The following QRICH1 variants were observed in gnomAD, a reference collection of about 807,000 sequenced individuals.
QRICH1 encodes the protein glutamine rich 1, also known as transcriptional regulator QRICH1.
Under a neutral mutation model 87.1 loss-of-function variants are expected in QRICH1, and 16 were observed. That is an observed-to-expected ratio of 0.18 (90% confidence interval 0.12 to 0.28). The LOEUF (loss-of-function observed/expected upper bound fraction) is 0.28. QRICH1 is among the 10% of genes least tolerant of loss of function. The pLI, the probability that QRICH1 is intolerant of heterozygous loss-of-function variation, is 1.00. For synonymous variants in QRICH1, 367 were observed against 368.4 expected, an observed-to-expected ratio of 1.00 and a Z score of 0.05; for missense variants, 647 against 951.7, an observed-to-expected ratio of 0.68 and a Z score of 4.21.
chr3:49,047,486 T>G (rs963422369), intron 3 of QRICH1, among the ~76,000 whole-genome samples: 2 of 149,744 alleles, frequency 1.3e-5, no homozygotes, highest in African/African-American at 2.5e-5. Context: ...AATGTTTTTT[T>G]TTTTTTTTTT....
At chr3:49,059,621 T>G (rs1045702611) in intron 2 of QRICH1, among the ~76,000 whole-genome samples, 1 of 149,092 alleles carries the variant, frequency 6.7e-6, no homozygotes, top group Non-Finnish European at 1.5e-5. Flanking sequence ...GGTTTCACCA[T>G]GTTGGTTGGC....
intron 1 of QRICH1, among the ~76,000 whole-genome samples, chr3:49,082,228 C>T (rs757495104): frequency 7.9e-5 from 12 of 152,192 alleles, no homozygotes; most frequent in Non-Finnish European, 1.0e-4. Context: ...TGAGCCACTG[C>T]GCCCAGCAAG....
chr3:49,035,506 A>G (rs1485759333), intron 6 of QRICH1, among the ~76,000 whole-genome samples: 1 of 152,046 alleles, frequency 6.6e-6, no homozygotes, highest in Admixed American at 6.6e-5. Flanking sequence ...CTTCTCTACA[A>G]TTTGTAATAA....
chr3:49,084,711 C>T (rs923887291), intron 1 of QRICH1, among the ~76,000 whole-genome samples: 7 of 151,910 alleles, frequency 4.6e-5, no homozygotes, highest in African/African-American at 1.7e-4. Flanking sequence ...TTGTAGTGAG[C>T]TGAGACTGCG....
intron 2 of QRICH1, among the ~76,000 whole-genome samples, chr3:49,060,343 G>A (rs1320015198): frequency 1.3e-5 from 2 of 150,932 alleles, no homozygotes; most frequent in South Asian, 2.1e-4. Flanking sequence ...ACAGGCACCC[G>A]CCACCACGAC....
chr3:49,087,297 G>A (rs1293833798), intron 1 of QRICH1, among the ~76,000 whole-genome samples: 1 of 150,746 alleles, frequency 6.6e-6, no homozygotes, highest in Non-Finnish European at 1.5e-5. Flanking sequence ...AGTGGCTCAC[G>A]CCTATAATCC....
At position 49,082,838 on chromosome 3, in the gene QRICH1, T is replaced by C. The variant is rs551445151; in HGVS notation, c.-21-5800A>G. Among the ~76,000 whole-genome samples, 245 of 143,270 alleles carry C rather than the reference T, an allele frequency of 1.7e-3. 1 individual carries two copies. The highest frequency in any genetic ancestry group is 6.2e-3 in the African/African-American group (237 of 38,032). 94.0% of individuals were successfully genotyped at this position (143,270 alleles called of 152,430 possible). A position where few individuals can be genotyped will look rare whatever the true frequency, so the allele number is the denominator to read the frequency against. ...TAAACCTGGGAGGCAGAGCTTGCAG[T>C]GAGCCGAGACCACACCACTGCACTC... On this transcript the variant is annotated intron_variant, in intron 1 of 9. Coordinates refer to ENST00000395443, the MANE Select transcript of QRICH1 (RefSeq NM_198880.3).
In QRICH1 at chr3:49,056,955, T is replaced by C. The variant is rs867624652; in HGVS notation, c.1245A>G (p.Ile415Met). ...GCTGCGGCTGCTGTTGGGGGTCCCATATATGGACAGTTTGAGCCGTATTCT... is the reference window on the plus strand; with the variant it reads ...GCTGCGGCTGCTGTTGGGGGTCCCACATATGGACAGTTTGAGCCGTATTCT... Reference protein sequence around the residue: ...TYQNTAQTVHIWDPQQQPQQQ... With the variant: ...TYQNTAQTVHMWDPQQQPQQQ... The change falls in exon 3 of 10, where the codon ATA (isoleucine) becomes ATG (methionine). Residue 415 changes from isoleucine (I) to methionine (M), a missense_variant. Physicochemically the swap from Ile to Met is conservative, Grantham distance 10 (BLOSUM62 1). This residue lies in a region of QRICH1 where 115 missense variants were observed against 126.8 expected (regional missense o/e 0.91). Transcript: ENST00000395443. 4 of 1,614,112 alleles carry C rather than the reference T, an allele frequency of 2.5e-6. No homozygotes were observed. The highest frequency in any genetic ancestry group is 1.1e-5 in the South Asian group (1 of 91,088).
At chr3:49,040,770 G>A (rs2093305342) in intron 6 of QRICH1, among the ~76,000 whole-genome samples, 2 of 152,176 alleles carry the variant, frequency 1.3e-5, no homozygotes, top group Non-Finnish European at 1.5e-5. Context: ...AGGCAACAAT[G>A]TTTACTTTTG....
At chr3:49,030,672 TACC>T (rs1559920447) in intron 9 of QRICH1, 28 bp from the exon 10 acceptor site, 1 of 1,506,876 alleles carries the variant, frequency 6.6e-7, no homozygotes, top group South Asian at 1.3e-5. Context: ...AAAAGTTGGG[TACC>T]ACCAATATAA....
At chr3:49,047,847 G>A (rs924373162) in intron 3 of QRICH1, among the ~76,000 whole-genome samples, 1 of 151,798 alleles carries the variant, frequency 6.6e-6, no homozygotes, top group African/African-American at 2.4e-5. Context: ...GGGGAGCCAA[G>A]GTATCAATTG....
chr3:49,063,902 A>G lies in QRICH1; in HGVS notation c.310-6012T>C, dbSNP rs1575356921. Among the ~76,000 whole-genome samples the G allele has an allele frequency of 3.3e-5, 5 of 152,226 alleles. No homozygotes were observed. In the South Asian group the frequency reaches 8.3e-4, roughly 25 times the overall value. On this transcript the variant is annotated intron_variant, in intron 2 of 9. Transcript: ENST00000395443. ...ACTCTAAATTAAAACTAGGAATTTA[A>G]TTTTTTAATTCTTTTTTTATTTGAG...
At chr3:49,033,092 C>G (rs1367591112) in intron 7 of QRICH1, 28 bp downstream of exon 7, 6 of 1,420,968 alleles carry the variant, frequency 4.2e-6, no homozygotes, top group Non-Finnish European at 5.7e-6. Flanking sequence ...TGGACAGATG[C>G]CAGCAGTGGA....
intron 2 of QRICH1, among the ~76,000 whole-genome samples, chr3:49,072,830 C>A (rs915547484): frequency 6.6e-6 from 1 of 151,966 alleles, no homozygotes; most frequent in African/African-American, 2.4e-5. Context: ...CTGCTGGAGG[C>A]CAGGAGTTCA....
At chr3:49,081,206 C>A (rs568423857) in intron 1 of QRICH1, among the ~76,000 whole-genome samples, 15 of 151,968 alleles carry the variant, frequency 9.9e-5, no homozygotes, top group African/African-American at 3.6e-4. Context: ...CGCCTGAGGG[C>A]AGGAGATCGA....
intron 1 of QRICH1, among the ~76,000 whole-genome samples, chr3:49,091,417 T>C (rs1343746889): frequency 6.6e-6 from 1 of 151,890 alleles, no homozygotes; most frequent in Non-Finnish European, 1.5e-5. Context: ...AAAAAAAGCA[T>C]ATCCAAAGTA....
intron 8 of QRICH1, 166 bp downstream of exon 8, chr3:49,032,455 CT>C (rs1191600107): frequency 2.1e-6 from 2 of 972,066 alleles, no homozygotes; most frequent in Non-Finnish European, 3.0e-6. Context: ...TGGGGCTTCT[CT>C]GCTTCTAGGA....
intron 6 of QRICH1, among the ~76,000 whole-genome samples, chr3:49,041,635 CT>C (rs990961976): frequency 2.4e-4 from 35 of 147,090 alleles, no homozygotes; most frequent in South Asian, 4.3e-4. Flanking sequence ...GCTGCTACTC[CT>C]TTTTTTTTTT....
At chr3:49,070,959 C>A (rs941502094) in intron 2 of QRICH1, among the ~76,000 whole-genome samples, 1 of 152,064 alleles carries the variant, frequency 6.6e-6, no homozygotes, top group African/African-American at 2.4e-5. Flanking sequence ...GGCTGTGGTG[C>A]AGTGGTGTGA....
Sources: gnomAD v4.1 joint callset for allele counts (sites outside exome capture counted in the v4.1 genomes callset) on GRCh38, gnomAD v4.1.1 for gene constraint, gnomAD v4.1.1 regional missense constraint, MANE v1.5 for transcripts, NCBI Gene and HGNC (gene_info 2026-07-23, HGNC 2026-07-21) for gene names.